SP140: variants seen among roughly 807,000 people sequenced by gnomAD.
SP140 encodes the protein nuclear body protein SP140.
SP140 carries 81 observed loss-of-function variants against 125.0 expected under a neutral mutation model. That is an observed-to-expected ratio of 0.65 (90% CI 0.54 to 0.78). SP140 has a LOEUF of 0.78. SP140 is among the 30% of genes least tolerant of loss of function. The probability of loss-of-function intolerance (pLI) is 0.00; values close to 1 mark genes in which losing one functional copy is unlikely to be tolerated. For synonymous variants in SP140, 312 were observed against 354.0 expected (o/e 0.88, Z 1.33); for missense variants, 858 against 1,037.0 (o/e 0.83, Z 2.37).
the SP140 span, chr2:230,186,292 CT>C: frequency 1.3e-6 from 1 of 741,012 alleles, no homozygotes; most frequent in South Asian, 1.8e-5. Flanking sequence ...ATACTTCCTT[CT>C]ATTTCTCTTT....
chr2:230,254,351 G>GA, intron 11 of SP140, among the ~76,000 whole-genome samples: 1 of 152,194 alleles, frequency 6.6e-6, no homozygotes, highest in African/African-American at 2.4e-5. Context: ...TCTAGGTAGA[G>GA]AGTGACACAG....
chr2:230,307,984 TATATATACACAC>T (rs1236480650), intron 22 of SP140, among the ~76,000 whole-genome samples: 6 of 89,054 alleles, frequency 6.7e-5, no homozygotes, highest in Admixed American at 1.1e-4. Context: ...TATATATATA[TATATATACACAC>T]ACACACACAC....
intron 16 of SP140, among the ~76,000 whole-genome samples, chr2:230,285,511 A>C (rs2056259736): frequency 6.6e-6 from 1 of 152,226 alleles, no homozygotes; most frequent in South Asian, 2.1e-4. Flanking sequence ...TTAAGTCTGA[A>C]TCATTATAAC....
chr2:230,277,074 G>T (rs1489550822), intron 15 of SP140, among the ~76,000 whole-genome samples: 3 of 152,270 alleles, frequency 2.0e-5, no homozygotes, highest in South Asian at 2.1e-4. Flanking sequence ...GACAACAAAG[G>T]ATTTAGAATA....
intron 3 of SP140, among the ~76,000 whole-genome samples, chr2:230,215,999 C>T (rs1045455531): frequency 2.2e-4 from 33 of 152,278 alleles, no homozygotes; most frequent in African/African-American, 7.9e-4. Context: ...AGATTATTGG[C>T]ACTTCCTTGA....
At chr2:230,186,847 T>A in the SP140 span, among the ~76,000 whole-genome samples, 1 of 152,250 alleles carries the variant, frequency 6.6e-6, no homozygotes, top group African/African-American at 2.4e-5. Context: ...TCTTTTTTTA[T>A]GGCTGAGTAA....
chr2:230,220,421 C>CA (rs1377917256), intron 3 of SP140, among the ~76,000 whole-genome samples: 1 of 152,042 alleles, frequency 6.6e-6, no homozygotes, highest in Non-Finnish European at 1.5e-5. Context: ...CACAAAAAAA[C>CA]AAAGAGAATG....
intron 3 of SP140, among the ~76,000 whole-genome samples, chr2:230,219,325 A>C (rs1240599838): frequency 1.3e-5 from 2 of 152,212 alleles, no homozygotes; most frequent in Non-Finnish European, 2.9e-5. Context: ...AATAGTAATA[A>C]TCTCAGACAC....
chr2:230,213,429 A>G (rs764430723), intron 1 of SP140, among the ~76,000 whole-genome samples: 4 of 152,326 alleles, frequency 2.6e-5, no homozygotes, highest in Middle Eastern at 3.4e-3. Context: ...AGCAAATAAG[A>G]GAAAATAAAA....
chr2:230,248,664 C>A (rs1453707957), intron 8 of SP140, among the ~76,000 whole-genome samples: 1 of 152,146 alleles, frequency 6.6e-6, no homozygotes, highest in East Asian at 1.9e-4. Context: ...ATCAGACAAT[C>A]CAAGCGCTGC....
At chr2:230,225,665 A>G, upstream of SP140, 1 of 665,358 alleles carries the variant, frequency 1.5e-6, no homozygotes, top group South Asian at 1.7e-5. Context: ...GAGAGACGTC[A>G]TGGAGATTGG....
intron 12 of SP140, among the ~76,000 whole-genome samples, chr2:230,268,825 C>T (rs2053515084): frequency 6.6e-6 from 1 of 152,120 alleles, no homozygotes; most frequent in Non-Finnish European, 1.5e-5. Flanking sequence ...CCAAGGGTCC[C>T]ACAGGACACT....
At chr2:230,187,788 G>A in the SP140 span, among the ~76,000 whole-genome samples, 1 of 152,138 alleles carries the variant, frequency 6.6e-6, no homozygotes, top group African/African-American at 2.4e-5. Flanking sequence ...CTTTGTCAAA[G>A]ATCAGTTGGT....
At chr2:230,249,363 G>A (rs576665754) in intron 9 of SP140, among the ~76,000 whole-genome samples, 1 of 152,276 alleles carries the variant, frequency 6.6e-6, no homozygotes, top group South Asian at 2.1e-4. Context: ...CATGTTTTGT[G>A]AAAGACCGAA....
At chr2:230,271,155 ATT>A (rs2053863774) in intron 15 of SP140, among the ~76,000 whole-genome samples, 1 of 152,192 alleles carries the variant, frequency 6.6e-6, no homozygotes, top group Non-Finnish European at 1.5e-5. Context: ...AAGAAAATAC[ATT>A]TGTGTTGTTT....
intron 15 of SP140, among the ~76,000 whole-genome samples, chr2:230,277,985 A>G (rs1474379304): frequency 1.3e-5 from 2 of 152,094 alleles, no homozygotes; most frequent in Non-Finnish European, 2.9e-5. Context: ...CTCATTTCCT[A>G]TAAATTCATA....
chr2:230,237,156 T>C lies in SP140; in HGVS notation c.133T>C (p.Phe45Leu), dbSNP rs2048122202. The C allele has an allele frequency of 8.1e-6, 13 of 1,613,404 alleles. No homozygotes were observed. Among genetic ancestry groups the C allele is most frequent in the Non-Finnish European group, 1.1e-5 (13 of 1,179,768 alleles). The part of the protein sequence containing the change: ...EQVCPEPIFR[F>L]FRENKVEIAS... ...GGTTTGCCCTGAGCCCATTTTCAGG[T>C]TCTTCAGAGAAAACAAGGTGGAGAT... Residue 45 changes from phenylalanine (F) to leucine (L), a missense_variant, in exon 2 of 27, where the codon TTC (phenylalanine) becomes CTC (leucine). Physicochemically the swap from Phe to Leu is conservative, Grantham distance 22. Transcript: ENST00000392045. This position sits in a 1 kb window ranked among gnomAD's most constrained non-coding sequence, Gnocchi z 5.4.
rs773587272 is a variant in SP140 at position 230,285,766 on chromosome 2, G to A, written c.1579G>A (p.Asp527Asn). Reference sequence around the variant, plus strand: ...CCTATCCCCAGATAATAGCAAAGCCGACGGCCAGGTGGTCTCCAGTGAAAA... The same window carrying A: ...CCTATCCCCAGATAATAGCAAAGCCAACGGCCAGGTGGTCTCCAGTGAAAA... ...NSQQNDNSKA[D>N]GQVVSSEKKA... Residue 527 changes from aspartate (D) to asparagine (N), a missense_variant, in exon 17 of 27, where the codon GAC (aspartate) becomes AAC (asparagine). This residue lies in a region of SP140 where 791 missense variants were observed against 869.5 expected (regional missense o/e 0.91). Transcript: ENST00000392045. 8.1e-6 allele frequency: 13 copies of A among 1,613,408 alleles called. No individual in the cohort carries two copies. The highest frequency in any genetic ancestry group is 1.6e-4 in the Middle Eastern group (1 of 6,080).
At chr2:230,282,025 A>G (rs2055642583) in intron 15 of SP140, among the ~76,000 whole-genome samples, 1 of 152,202 alleles carries the variant, frequency 6.6e-6, no homozygotes, top group Non-Finnish European at 1.5e-5. Context: ...AGGTGTGTGC[A>G]GCAGCAGAAG....
Sources: gnomAD v4.1 joint callset for allele counts (sites outside exome capture counted in the v4.1 genomes callset) on GRCh38, gnomAD v4.1.1 for gene constraint, gnomAD v4.1.1 regional missense constraint, Gnocchi (gnomAD v3.1) non-coding constraint, MANE v1.5 for transcripts, NCBI Gene and HGNC (gene_info 2026-07-23, HGNC 2026-07-21) for gene names.